PCDHGA4: variants seen among roughly 807,000 people sequenced by gnomAD.
PCDHGA4 encodes protocadherin gamma-A4.
A neutral mutation model predicts 54.6 loss-of-function variants in PCDHGA4; 38 were observed. That is an observed-to-expected ratio of 0.70 (90% CI 0.54 to 0.91). The LOEUF is 0.91. PCDHGA4 is among the 40% of genes least tolerant of loss of function. The pLI is 0.00. For synonymous variants in PCDHGA4, 511 were observed against 512.9 expected (o/e 1.00, Z 0.05); for missense variants, 1,298 against 1,220.9 (o/e 1.06, Z -0.94).
chr5:141,393,578 GC>G, intron 1 of PCDHGA4: 1 of 1,613,930 alleles, frequency 6.2e-7, no homozygotes. Context: ...TTGAGAACAT[GC>G]CCCCAGGCAC....
intron 1 of PCDHGA4, among the ~76,000 whole-genome samples, chr5:141,452,674 G>A (rs2098746885): frequency 6.6e-6 from 1 of 151,936 alleles, no homozygotes; most frequent in Non-Finnish European, 1.5e-5. Context: ...TCCAGCCTAG[G>A]CCACAGAATG....
At chr5:141,414,781 G>A (rs755811755) in intron 1 of PCDHGA4, 1 of 1,614,230 alleles carries the variant, frequency 6.2e-7, no homozygotes, top group Admixed American at 1.7e-5. Context: ...ACAGATGCAG[G>A]TGACAGCCAG....
chr5:141,503,392 C>T lies in PCDHGA4; in HGVS notation c.2574-2001C>T, dbSNP rs554732406. 1.2e-4 allele frequency among the ~76,000 whole-genome samples: 18 copies of T among 151,870 alleles called. No individual in the cohort carries two copies. The South Asian group carries it at 3.5e-3, about 30-fold the overall frequency. On this transcript the variant is annotated intron_variant, in intron 2 of 3. Transcript: ENST00000571252. ...CAGGTGGATCATGAGGTCAGGAGTT[C>T]GAAACCAACCTGGCCAATATGGTGA...
chr5:141,357,289 G>T lies in PCDHGA4; in HGVS notation c.2182G>T (p.Val728Leu). Residue 728 changes from valine (V) to leucine (L), a missense_variant, in exon 1 of 4, where the codon GTG (valine) becomes TTG (leucine). Transcript: ENST00000571252. Reference sequence around the variant, plus strand: ...CCTCACACTCTATCTCGTGGTGGCAGTGGCCGCTGTCTCCTGCGTCTTCCT... The same window carrying T: ...CCTCACACTCTATCTCGTGGTGGCATTGGCCGCTGTCTCCTGCGTCTTCCT... ...SGLTLYLVVA[V>L]AAVSCVFLAF... 6.2e-7 allele frequency: 1 copy of T among 1,613,960 alleles called. No homozygotes were observed. Among genetic ancestry groups the T allele is most frequent in the Middle Eastern group, 1.6e-4 (1 of 6,062 alleles).
At chr5:141,414,570 C>T in intron 1 of PCDHGA4, 1 of 1,613,980 alleles carries the variant, frequency 6.2e-7, no homozygotes. Context: ...TTACCTATAT[C>T]CCAGAGAACA....
In PCDHGA4 at chr5:141,373,263, A is replaced by G. The variant is rs559475060; in HGVS notation, c.2514+15642A>G. Among the ~76,000 whole-genome samples, 7 of 152,368 alleles carry G rather than the reference A, an allele frequency of 4.6e-5. No homozygotes were observed. In the East Asian group the frequency reaches 1.2e-3, roughly 25 times the overall value. On this transcript the variant is annotated intron_variant, in intron 1 of 3. Coordinates refer to ENST00000571252, the MANE Select transcript of PCDHGA4 (RefSeq NM_018917.4). ...CTTCCCTTTGCATGTTTTTAAAAGT[A>G]TACACAGATGTTGCCTATGTCAGGG...
At chr5:141,383,639 A>G in intron 1 of PCDHGA4, 3 of 1,613,964 alleles carry the variant, frequency 1.9e-6, no homozygotes, top group Non-Finnish European at 2.5e-6. Flanking sequence ...CTGCCTCAGT[A>G]CCAAGTAACT....
In PCDHGA4 at chr5:141,409,025, G is replaced by T. The variant is rs202094928; in HGVS notation, c.2514+51404G>T. Reference sequence around the variant, plus strand: ...CACTGACCAGGATGAGGGGGTCAATGCTGAGATAAACTACTACTTCCGAAG... The same window carrying T: ...CACTGACCAGGATGAGGGGGTCAATTCTGAGATAAACTACTACTTCCGAAG... On this transcript the variant is annotated intron_variant, in intron 1 of 3. Coordinates refer to ENST00000571252, the MANE Select transcript of PCDHGA4 (RefSeq NM_018917.4). 2.9e-3 allele frequency: 4,667 copies of T among 1,614,008 alleles called. 11 individuals are homozygous for T. The highest frequency in any genetic ancestry group is 3.6e-3 in the Non-Finnish European group (4,254 of 1,179,906).
chr5:141,384,576 G>C (rs757254740), intron 1 of PCDHGA4: 3 of 1,614,178 alleles, frequency 1.9e-6, no homozygotes, highest in Admixed American at 1.7e-5. Flanking sequence ...ATGACAACCC[G>C]CCCGAGATCC....
intron 1 of PCDHGA4, among the ~76,000 whole-genome samples, chr5:141,452,267 G>C (rs995249228): frequency 1.3e-5 from 2 of 151,882 alleles, no homozygotes; most frequent in Non-Finnish European, 2.9e-5. Context: ...TCATTTTCTT[G>C]AACCCTTTCT....
chr5:141,509,157 C>T lies in PCDHGA4; in HGVS notation c.2663-1790C>T, dbSNP rs369133984. Among the ~76,000 whole-genome samples the T allele has an allele frequency of 2.6e-4, 40 of 152,314 alleles. No individual in the cohort carries two copies. In the South Asian group the frequency reaches 7.0e-3, roughly 27 times the overall value. On this transcript the variant is annotated intron_variant, in intron 3 of 3. Transcript: ENST00000571252. The stretch of plus-strand genomic sequence containing the variant: ...GAGGCGCATCCCGGCTCTCCCCTCC[C>T]GTGTGCCCTCCTCCTCTTATGCCGG...
At position 141,409,757 on chromosome 5, in the gene PCDHGA4, G is replaced by A; in HGVS notation, c.2514+52136G>A. The A allele has an allele frequency of 6.8e-6, 11 of 1,612,986 alleles. No individual in the cohort carries two copies. The highest frequency in any genetic ancestry group is 9.3e-6 in the Non-Finnish European group (11 of 1,179,838). ...GAGCGGGGTGGTGTTCGCGCAGCGCGCCTTTGATCACGAGCAGCTGCGCGC... is the reference window on the plus strand; with the variant it reads ...GAGCGGGGTGGTGTTCGCGCAGCGCACCTTTGATCACGAGCAGCTGCGCGC... On this transcript the variant is annotated intron_variant, in intron 1 of 3. Coordinates refer to ENST00000571252, the MANE Select transcript of PCDHGA4 (RefSeq NM_018917.4).
At chr5:141,414,748 G>T (rs765780935) in intron 1 of PCDHGA4, 1 of 1,614,182 alleles carries the variant, frequency 6.2e-7, no homozygotes, top group South Asian at 1.1e-5. Context: ...CAGATCCTTC[G>T]ACTATGAGCA....
In PCDHGA4 at chr5:141,489,412, G is replaced by C; in HGVS notation, c.2515-5395G>C. On this transcript the variant is annotated intron_variant, in intron 1 of 3. Coordinates refer to ENST00000571252, the MANE Select transcript of PCDHGA4 (RefSeq NM_018917.4). The surrounding 1 kb of genome is among the most constrained non-coding windows in gnomAD (Gnocchi z 4.5). ...TCAGGATCTGGGCTTAAAGATGACAGATCTGTTGAGCCGGCGGCTGCAATT... is the reference window on the plus strand; with the variant it reads ...TCAGGATCTGGGCTTAAAGATGACACATCTGTTGAGCCGGCGGCTGCAATT... The C allele has an allele frequency of 6.2e-7, 1 of 1,614,172 alleles. No individual in the cohort carries two copies. Among genetic ancestry groups the C allele is most frequent in the Non-Finnish European group, 8.5e-7 (1 of 1,180,040 alleles).
intron 1 of PCDHGA4, chr5:141,364,200 A>G: frequency 8.9e-7 from 1 of 1,126,004 alleles, no homozygotes; most frequent in Non-Finnish European, 1.2e-6. Flanking sequence ...CACACAGACC[A>G]GACAAGCTCC....
chr5:141,491,199 C>T lies in PCDHGA4; in HGVS notation c.2515-3608C>T. ...TGGTCCTGGTGAGGGACAATGGTGA[C>T]CCTTCACTCTCCTCCACAGCCACAG... On this transcript the variant is annotated intron_variant, in intron 1 of 3. Coordinates refer to ENST00000571252, the MANE Select transcript of PCDHGA4 (RefSeq NM_018917.4). The surrounding 1 kb of genome is among the most constrained non-coding windows in gnomAD (Gnocchi z 6.9). 1 of 1,614,190 alleles carries T rather than the reference C, an allele frequency of 6.2e-7. No homozygotes were observed. Among genetic ancestry groups the T allele is most frequent in the South Asian group, 1.1e-5 (1 of 91,086 alleles).
intron 1 of PCDHGA4, chr5:141,398,701 C>G (rs757215015): frequency 6.2e-7 from 1 of 1,613,658 alleles, no homozygotes; most frequent in African/African-American, 1.3e-5. Flanking sequence ...TAGTAAATAC[C>G]CGGAACTGGC....
chr5:141,374,993 T>G (rs1439480761), intron 1 of PCDHGA4: 1 of 1,613,938 alleles, frequency 6.2e-7, no homozygotes, highest in Non-Finnish European at 8.5e-7. Flanking sequence ...AATTTCAACT[T>G]CTGCAAATCT....
At chr5:141,481,024 C>CTGGA (rs1200299352) in intron 1 of PCDHGA4, among the ~76,000 whole-genome samples, 3 of 152,122 alleles carry the variant, frequency 2.0e-5, no homozygotes, top group Admixed American at 1.3e-4. Flanking sequence ...CACCACTGCA[C>CTGGA]TCCAGCCTGG....
Sources: allele counts gnomAD v4.1 joint callset (sites outside exome capture counted in the v4.1 genomes callset), GRCh38; gene constraint gnomAD v4.1.1; non-coding constraint Gnocchi (gnomAD v3.1); transcripts MANE v1.5; gene names NCBI Gene and HGNC (gene_info 2026-07-23, HGNC 2026-07-21).